NUCB2: variants seen among roughly 807,000 people sequenced by gnomAD.
NUCB2 encodes the protein nucleobindin 2.
Under a neutral mutation model 57.9 loss-of-function variants are expected in NUCB2, and 48 were observed. The ratio of observed to expected loss-of-function variants is 0.83; its 90% CI spans 0.66 to 1.05. The LOEUF is 1.05. Among genes scored for constraint, NUCB2 ranks in the 50% least tolerant of loss-of-function variants. The pLI is 0.00. For missense variants in NUCB2, 442 were observed against 476.2 expected, an observed-to-expected ratio of 0.93 and a Z score of 0.67; for synonymous variants, 139 against 152.1, an observed-to-expected ratio of 0.91 and a Z score of 0.64.
intron 2 of NUCB2, among the ~76,000 whole-genome samples, chr11:17,337,846 T>G (rs1951938965): frequency 6.6e-6 from 1 of 152,004 alleles, no homozygotes; most frequent in African/African-American, 2.4e-5. Flanking sequence ...TGTTGGCTAA[T>G]CTGGTCTCAA....
intron 4 of NUCB2, among the ~76,000 whole-genome samples, chr11:17,297,939 G>A (rs1293175814): frequency 6.6e-6 from 1 of 151,972 alleles, no homozygotes; most frequent in Admixed American, 6.6e-5. Context: ...AAAATTAGCC[G>A]GGTGTGGTGG....
intron 2 of NUCB2, among the ~76,000 whole-genome samples, chr11:17,288,874 CATGTAT>C (rs1398964371): frequency 3.1e-4 from 33 of 106,838 alleles, no homozygotes; most frequent in African/African-American, 1.1e-3. Context: ...TATTTAATAA[CATGTAT>C]ATACACACAC....
Position 17,337,817 on chromosome 11 carries a change from T to G in NUCB2, n.2626+283T>G, listed in dbSNP as rs577024894. ...TCTGGCTAATTTTTTATATTTTTAG[T>G]AGAGACGGGGTTTCACTATGTTGGC... is the stretch of plus-strand genomic sequence containing the variant. On this transcript the variant is annotated intron_variant and non_coding_transcript_variant, in intron 2 of 2. Coordinates refer to the NUCB2 transcript ENST00000532240. Among the ~76,000 whole-genome samples the G allele has an allele frequency of 1.1e-4, 16 of 152,196 alleles. No individual in the cohort carries two copies. The East Asian group carries it at 2.9e-3, about 28-fold the overall frequency.
chr11:17,280,324 T>G (rs557319915), intron 1 of NUCB2, among the ~76,000 whole-genome samples: 4 of 152,292 alleles, frequency 2.6e-5, no homozygotes, highest in South Asian at 2.1e-4. Flanking sequence ...GGCTCTAAGA[T>G]CTATACTAAT....
intron 7 of NUCB2, 69 bp downstream of exon 7, chr11:17,311,079 G>A (rs1948421907): frequency 2.1e-6 from 3 of 1,418,228 alleles, no homozygotes; most frequent in Non-Finnish European, 2.9e-6. Flanking sequence ...GATTTTTATT[G>A]TGTTATTAGT....
In NUCB2 at chr11:17,309,610, G is replaced by T. The variant is rs1948186645; in HGVS notation, c.418G>T (p.Asp140Tyr). ...CCACCAAGCTCTTCTAAAACAATTT[G>T]ATCACCTAAACCACCTGAATCCTGA... ...MDHQALLKQF[D>Y]HLNHLNPDKF... Residue 140 changes from aspartate (D) to tyrosine (Y), a missense_variant, in exon 6 of 14, where the codon GAT (aspartate) becomes TAT (tyrosine). Physicochemically the swap from Asp to Tyr is radical, Grantham distance 160. Coordinates refer to ENST00000529010, the MANE Select transcript of NUCB2 (RefSeq NM_005013.4). 2 of 1,604,582 alleles carry T rather than the reference G, an allele frequency of 1.2e-6. No homozygotes were observed. The highest frequency in any genetic ancestry group is 1.1e-5 in the South Asian group (1 of 89,248).
chr11:17,341,354 T>C (rs1451200291), intron 2 of NUCB2, among the ~76,000 whole-genome samples: 1 of 151,820 alleles, frequency 6.6e-6, no homozygotes, highest in Non-Finnish European at 1.5e-5. Flanking sequence ...AACACTATGT[T>C]GAATAGGAGT....
chr11:17,299,696 A>G (rs1193829144), intron 4 of NUCB2, among the ~76,000 whole-genome samples: 8 of 152,090 alleles, frequency 5.3e-5, no homozygotes, highest in Non-Finnish European at 1.0e-4. Context: ...TTGAGCTCAG[A>G]AGTTCGAGAC....
intron 1 of NUCB2, among the ~76,000 whole-genome samples, chr11:17,279,186 A>G (rs914675917): frequency 1.3e-5 from 2 of 152,170 alleles, no homozygotes; most frequent in African/African-American, 4.8e-5. Flanking sequence ...GAGTGAAACT[A>G]CGTCTCAAAA....
intron 10 of NUCB2, among the ~76,000 whole-genome samples, chr11:17,313,028 A>G (rs752667921): frequency 2.2e-4 from 34 of 151,182 alleles, no homozygotes; most frequent in Non-Finnish European, 4.4e-4. Context: ...ATTTTTTTTA[A>G]GAGACAGCAT....
At chr11:17,327,090 T>A (rs1209066670) in intron 11 of NUCB2, among the ~76,000 whole-genome samples, 1 of 152,220 alleles carries the variant, frequency 6.6e-6, no homozygotes. Context: ...AGACAGAGTC[T>A]TGCTCTGTTA....
chr11:17,312,697 G>T (rs938920338), intron 10 of NUCB2, among the ~76,000 whole-genome samples: 3 of 150,976 alleles, frequency 2.0e-5, no homozygotes, highest in Admixed American at 6.6e-5. Flanking sequence ...TTACAGGCAT[G>T]AGCCACTGGC....
At chr11:17,302,177 G>A (rs1023959897) in intron 5 of NUCB2, among the ~76,000 whole-genome samples, 1 of 152,176 alleles carries the variant, frequency 6.6e-6, no homozygotes, top group African/African-American at 2.4e-5. Flanking sequence ...ACAGGCATGA[G>A]CTGGCGGGCC....
downstream of NUCB2, among the ~76,000 whole-genome samples, chr11:17,336,507 C>T (rs1457533043): frequency 6.6e-6 from 1 of 151,736 alleles, no homozygotes; most frequent in African/African-American, 2.4e-5. Context: ...GTAATCCCAG[C>T]ACTTTGGGAG....
intron 5 of NUCB2, among the ~76,000 whole-genome samples, chr11:17,308,543 G>A (rs917060660): frequency 6.6e-5 from 10 of 152,108 alleles, no homozygotes; most frequent in African/African-American, 2.4e-4. Flanking sequence ...CTAAATGAGA[G>A]CTGATTTCCA....
At chr11:17,340,767 C>G (rs986685151) in intron 2 of NUCB2, among the ~76,000 whole-genome samples, 1 of 151,522 alleles carries the variant, frequency 6.6e-6, no homozygotes, top group Non-Finnish European at 1.5e-5. Flanking sequence ...ATGCCTCCAG[C>G]TTTGTTCTTT....
intron 4 of NUCB2, among the ~76,000 whole-genome samples, chr11:17,300,688 G>A (rs1946558325): frequency 6.6e-6 from 1 of 152,102 alleles, no homozygotes; most frequent in Admixed American, 6.6e-5. Context: ...TGGACGTTTA[G>A]GTTTCTGGTT....
At chr11:17,333,815 G>C (rs1443947460), downstream of NUCB2, 1 of 152,234 alleles carries the variant, frequency 6.6e-6, no homozygotes, top group Non-Finnish European at 1.5e-5. Flanking sequence ...CAGGGCTCCA[G>C]ATTTGGGACT....
intron 11 of NUCB2, among the ~76,000 whole-genome samples, chr11:17,329,772 C>T (rs1951156934): frequency 6.6e-6 from 1 of 152,174 alleles, no homozygotes; most frequent in African/African-American, 2.4e-5. Flanking sequence ...ATGTTTGCTT[C>T]TTGTGCTTTT....
Sources: allele counts gnomAD v4.1 joint callset (sites outside exome capture counted in the v4.1 genomes callset), GRCh38; gene constraint gnomAD v4.1.1; transcripts MANE v1.5; gene names NCBI Gene and HGNC (gene_info 2026-07-23, HGNC 2026-07-21).